TP63: variants seen among roughly 807,000 people sequenced by gnomAD.
The protein encoded by TP63 is tumor protein p63.
In TP63, 17 loss-of-function variants were observed where a neutral mutation model predicts 82.8. The ratio of observed to expected loss-of-function variants is 0.21; its 90% CI spans 0.14 to 0.31. TP63 has a LOEUF of 0.31. Ranked by LOEUF, TP63 falls within the 10% of genes least tolerant of loss-of-function variation. The probability of loss-of-function intolerance (pLI) is 1.00; values close to 1 mark genes in which losing one functional copy is unlikely to be tolerated. For missense variants in TP63, 648 were observed against 895.3 expected (o/e 0.72, Z 3.52); for synonymous variants, 330 against 321.7 (o/e 1.03, Z -0.28).
intron 4 of TP63, among the ~76,000 whole-genome samples, chr3:189,852,192 T>C (rs1715724197): frequency 6.6e-6 from 1 of 151,980 alleles, no homozygotes; most frequent in East Asian, 1.9e-4. Flanking sequence ...TGGACAAGAG[T>C]CTGTTTTCTG....
intron 10 of TP63, chr3:189,880,607 G>T: frequency 2.0e-6 from 2 of 986,124 alleles, no homozygotes; most frequent in Non-Finnish European, 2.4e-6. Flanking sequence ...AAGAAAAGGA[G>T]AAAAAAGTTG....
rs762386273 is a variant in TP63 at position 189,897,083 on chromosome 3, T to C, written c.*2581T>C. The stretch of plus-strand genomic sequence containing the variant: ...ATAATTGTACAAAATTAAGCAAATG[T>C]TAAAAGTTTTATATGCTTTATTAAT... On this transcript the variant is annotated 3_prime_UTR_variant, in exon 14 of 14. Transcript: ENST00000264731. 2.3e-4 allele frequency: 52 copies of C among 224,562 alleles called. No individual in the cohort carries two copies. The highest frequency in any genetic ancestry group is 4.2e-4 in the Non-Finnish European group (47 of 112,446). 13.9% of individuals were successfully genotyped at this position (224,562 alleles called of 1,614,324 possible). A position where few individuals can be genotyped will look rare whatever the true frequency, so the allele number is the denominator to read the frequency against.
rs1023533821 is a variant in TP63, at chr3:189,894,699, A to G, written c.*197A>G. Reference sequence around the variant, plus strand: ...ATTCTGATTCTGGCTTTAAGCCTTCAAAACTATAGCTTGCAGAACTGTAGC... The same window carrying G: ...ATTCTGATTCTGGCTTTAAGCCTTCGAAACTATAGCTTGCAGAACTGTAGC... On this transcript the variant is annotated 3_prime_UTR_variant, in exon 14 of 14. Transcript: ENST00000264731. 1.5e-6 allele frequency: 1 copy of G among 676,250 alleles called. No individual in the cohort carries two copies. The highest frequency in any genetic ancestry group is 2.9e-5 in the Admixed American group (1 of 34,686). 41.9% of individuals were successfully genotyped at this position (676,250 alleles called of 1,614,324 possible). A position where few individuals can be genotyped will look rare whatever the true frequency, so the allele number is the denominator to read the frequency against.
At chr3:189,674,971 G>A (rs964062489) in intron 1 of TP63, among the ~76,000 whole-genome samples, 4 of 152,078 alleles carry the variant, frequency 2.6e-5, no homozygotes, top group Non-Finnish European at 4.4e-5. Flanking sequence ...AAGTGTCTTA[G>A]TCTTTTCAGG....
At chr3:189,679,787 G>A (rs912128891) in intron 1 of TP63, among the ~76,000 whole-genome samples, 1 of 151,874 alleles carries the variant, frequency 6.6e-6, no homozygotes, top group Admixed American at 6.6e-5. Context: ...GTATTCAATT[G>A]GTATTTATAT....
chr3:189,670,584 T>C (rs1313480398), intron 1 of TP63, among the ~76,000 whole-genome samples: 1 of 151,756 alleles, frequency 6.6e-6, no homozygotes, highest in Non-Finnish European at 1.5e-5. Context: ...TAAAAGAAAA[T>C]ATATTGAACA....
intron 4 of TP63, among the ~76,000 whole-genome samples, chr3:189,831,042 T>C (rs1355575199): frequency 6.6e-6 from 1 of 152,202 alleles, no homozygotes; most frequent in Non-Finnish European, 1.5e-5. Flanking sequence ...AAGTAGTAAC[T>C]GCGAGGGCAG....
the TP63 span, among the ~76,000 whole-genome samples, chr3:189,611,106 T>C: frequency 4.6e-5 from 7 of 152,230 alleles, no homozygotes; most frequent in South Asian, 8.3e-4. Flanking sequence ...ATATCAACTC[T>C]ATTGATAGTT....
intron 4 of TP63, among the ~76,000 whole-genome samples, chr3:189,817,660 T>C (rs1391056561): frequency 6.6e-6 from 1 of 152,072 alleles, no homozygotes; most frequent in East Asian, 1.9e-4. Context: ...GTTTTTTATT[T>C]CTACAAAGAC....
At chr3:189,628,408 A>G (rs1729366058), upstream of TP63, among the ~76,000 whole-genome samples, 1 of 152,160 alleles carries the variant, frequency 6.6e-6, no homozygotes, top group Non-Finnish European at 1.5e-5. Context: ...AAGAATTTGT[A>G]TCATAGACAC....
chr3:189,767,566 C>T (rs1040689347), intron 3 of TP63, among the ~76,000 whole-genome samples: 8 of 152,138 alleles, frequency 5.3e-5, no homozygotes, highest in African/African-American at 1.7e-4. Context: ...GAATTTGAAT[C>T]AATCTGAAGT....
intron 3 of TP63, among the ~76,000 whole-genome samples, chr3:189,749,952 T>C (rs931836734): frequency 1.2e-4 from 18 of 151,826 alleles, no homozygotes; most frequent in Admixed American, 1.2e-3. Context: ...TGAAACCCCG[T>C]CTCTACTAAA....
intron 4 of TP63, among the ~76,000 whole-genome samples, chr3:189,825,307 T>C (rs1729224957): frequency 6.6e-6 from 1 of 152,226 alleles, no homozygotes; most frequent in Non-Finnish European, 1.5e-5. Flanking sequence ...CTATACACCC[T>C]GTTGGAGTTT....
At chr3:189,759,137 A>G (rs1460960257) in intron 3 of TP63, among the ~76,000 whole-genome samples, 10 of 152,230 alleles carry the variant, frequency 6.6e-5, no homozygotes, top group African/African-American at 2.2e-4. Context: ...TATATAGTTT[A>G]ATTCCGTGGT....
rs185624232 is a variant in TP63, at chr3:189,726,312, A to T, written c.63-11428A>T. ...TGATCTTGACAAGTATTTTAATGTT[A>T]TTCAGCTGTAGAATATTGACAATAA... On this transcript the variant is annotated intron_variant, in intron 1 of 13. Transcript: ENST00000264731. Among the ~76,000 whole-genome samples the T allele has an allele frequency of 4.2e-3, 644 of 152,258 alleles. 6 individuals are homozygous for T. The highest frequency in any genetic ancestry group is 0.015 in the African/African-American group (617 of 41,558).
chr3:189,696,348 A>G (rs1324212637), intron 1 of TP63, among the ~76,000 whole-genome samples: 1 of 152,154 alleles, frequency 6.6e-6, no homozygotes, highest in East Asian at 1.9e-4. Context: ...GTATACCTGT[A>G]AGATTAATCC....
chr3:189,869,589 A>G (rs1274696239), intron 9 of TP63, among the ~76,000 whole-genome samples, 183 bp downstream of exon 9: 2 of 152,144 alleles, frequency 1.3e-5, no homozygotes, highest in Non-Finnish European at 2.9e-5. Flanking sequence ...TATTTTCTAG[A>G]GTCTGGAAGT....
chr3:189,895,117 C>T lies in TP63; in HGVS notation c.*615C>T, dbSNP rs1240330518. The stretch of plus-strand genomic sequence containing the variant: ...TCAAACCTTTGAGTAGATCCATTTC[C>T]ATTGCTTATTATGTAGGTAAGACTG... On this transcript the variant is annotated 3_prime_UTR_variant, in exon 14 of 14. Transcript: ENST00000264731. The T allele has an allele frequency of 9.1e-6, 2 of 220,924 alleles. No homozygotes were observed. The highest frequency in any genetic ancestry group is 2.2e-5 in the African/African-American group (1 of 44,608). 13.7% of individuals were successfully genotyped at this position (220,924 alleles called of 1,614,324 possible).
intron 1 of TP63, among the ~76,000 whole-genome samples, chr3:189,734,651 A>G (rs909695714): frequency 2.0e-5 from 3 of 152,234 alleles, no homozygotes; most frequent in African/African-American, 2.4e-5. Context: ...TTTTCAGCAG[A>G]TGGCCTTGTC....
Sources: allele counts gnomAD v4.1 joint callset (sites outside exome capture counted in the v4.1 genomes callset), GRCh38; gene constraint gnomAD v4.1.1; transcripts MANE v1.5; gene names NCBI Gene and HGNC (gene_info 2026-07-23, HGNC 2026-07-21).